MYCBP2: variants seen among roughly 807,000 people sequenced by gnomAD.
The protein encoded by MYCBP2 is E3 ubiquitin-protein ligase MYCBP2.
In MYCBP2, 120 loss-of-function variants were observed where a neutral mutation model predicts 525.3. The ratio of observed to expected loss-of-function variants is 0.23; its 90% CI spans 0.20 to 0.27. MYCBP2 has a LOEUF of 0.27. Among genes scored for constraint, MYCBP2 ranks in the 10% least tolerant of loss-of-function variants. The pLI is 1.00. For missense variants in MYCBP2, 4,149 were observed against 5,657.1 expected, an observed-to-expected ratio of 0.73 and a Z score of 8.55; for synonymous variants, 1,894 against 1,955.8, an observed-to-expected ratio of 0.97 and a Z score of 0.83.
In MYCBP2 at chr13:77,150,802, T is replaced by C; in HGVS notation, c.7063A>G (p.Lys2355Glu). ...ATTGGTTCATATGAAACATCTAGCT[T>C]TGGTGATGCCAGCCCTCCATAAGTC... Reference protein sequence around the residue: ...DMTYGGLASPKLDVSYEPMIV... With the variant: ...DMTYGGLASPELDVSYEPMIV... Residue 2355 changes from lysine (K) to glutamate (E), a missense_variant, in exon 47 of 83, where the codon AAG becomes GAG. This residue lies in a region of MYCBP2 where 692 missense variants were observed against 852.7 expected (regional missense o/e 0.81). Transcript: ENST00000544440. The C allele has an allele frequency of 6.2e-7, 1 of 1,614,142 alleles. No homozygotes were observed. The highest frequency in any genetic ancestry group is 1.1e-5 in the South Asian group (1 of 91,084).
Position 77,098,653 on chromosome 13 carries a change from G to C in MYCBP2, c.8501C>G (p.Pro2834Arg), listed in dbSNP as rs1281144272. Residue 2834 changes from proline (P) to arginine (R), a missense_variant, in exon 56 of 83, where the codon CCA (proline) becomes CGA (arginine). Transcript: ENST00000544440. ...PKTLPANRSS[P>R]SGASSPRSSS... is the part of the protein sequence containing the mutation. ...GGAGCGTGGAGAACTAGCACCCGAT[G>C]GGCTAGACCTATTGGCTGGGAGAGT... The C allele has an allele frequency of 1.9e-6, 3 of 1,613,610 alleles. No individual in the cohort carries two copies. In the Admixed American group the frequency reaches 5.0e-5, roughly 27 times the overall value.
chr13:77,265,299 A>G (rs1054968301), intron 8 of MYCBP2, among the ~76,000 whole-genome samples: 1 of 152,138 alleles, frequency 6.6e-6, no homozygotes, highest in Non-Finnish European at 1.5e-5. Context: ...TCTAAGCAGT[A>G]AGATTTTAAA....
In MYCBP2 at chr13:77,176,630, TA is replaced by T. The variant is rs71102724; in HGVS notation, c.5341-3del. 0.095 allele frequency: 87,456 copies of T among 920,284 alleles called. 20 individuals carry two copies. The highest frequency in any genetic ancestry group is 0.12 in the South Asian group (5,239 of 42,866). The allele number at this position is 920,284 out of a possible 1,614,324, so 57.0% of individuals were successfully genotyped here. ...AGTTGAATCTCCTGCATGTTCACTC[TA>T]AAAAAAAAAAATGAAACACAAAAAT... On this transcript the variant is annotated splice_region_variant and splice_polypyrimidine_tract_variant and intron_variant, in intron 35 of 82. Transcript: ENST00000544440.
chr13:77,201,999 C>CA (rs963231326), intron 26 of MYCBP2, among the ~76,000 whole-genome samples: 6 of 152,030 alleles, frequency 3.9e-5, no homozygotes, highest in Non-Finnish European at 7.4e-5. Context: ...AAAGCAAGAG[C>CA]AAACACATTC....
intron 34 of MYCBP2, 85 bp from the exon 35 acceptor site, chr13:77,178,039 A>C: frequency 1.2e-6 from 1 of 821,230 alleles, no homozygotes; most frequent in Non-Finnish European, 2.1e-6. Flanking sequence ...CTAATAAAAT[A>C]ACCTTTATTT....
At chr13:77,195,536 G>A (rs1417328977) in intron 26 of MYCBP2, among the ~76,000 whole-genome samples, 1 of 152,174 alleles carries the variant, frequency 6.6e-6, no homozygotes, top group African/African-American at 2.4e-5. Flanking sequence ...GGCAGAGGCT[G>A]CAGAGAGCCA....
At chr13:77,283,789 T>C (rs1260887385) in intron 3 of MYCBP2, among the ~76,000 whole-genome samples, 1 of 152,092 alleles carries the variant, frequency 6.6e-6, no homozygotes, top group Non-Finnish European at 1.5e-5. Flanking sequence ...CCCAGCTACA[T>C]GGGAGGCTAA....
At chr13:77,286,771 AAAAAAAAAAAAAAAAAAAATATATAT>A (rs1260807099) in intron 3 of MYCBP2, among the ~76,000 whole-genome samples, 1 of 89,148 alleles carries the variant, frequency 1.1e-5, no homozygotes, top group African/African-American at 5.3e-5. Flanking sequence ...AAAAAAAAAA[AAAAAAAAAAAAAAAAAAAATATATAT>A]ATATATATAT....
chr13:77,061,224 C>T lies in MYCBP2; in HGVS notation c.12981G>A (p.Met4327Ile), dbSNP rs2039239533. ...GCGRTKLFWL[M>I]ALADSKTMKA... ...TCATTGTTTTAGAATCTGCCAGTGC[C>T]ATCAACCAGAACAATTTGGTTCTAC... The change falls in exon 76 of 83, where the codon ATG becomes ATA. Residue 4327 changes from methionine (M) to isoleucine (I), a missense_variant. Coordinates refer to ENST00000544440, the MANE Select transcript of MYCBP2 (RefSeq NM_015057.5). The T allele has an allele frequency of 6.2e-7, 1 of 1,612,668 alleles. No homozygotes were observed. Among genetic ancestry groups the T allele is most frequent in the East Asian group, 2.2e-5 (1 of 44,766 alleles).
intron 77 of MYCBP2, among the ~76,000 whole-genome samples, chr13:77,059,163 T>C (rs1457670740): frequency 6.6e-6 from 1 of 152,116 alleles, no homozygotes; most frequent in Non-Finnish European, 1.5e-5. Flanking sequence ...TATGTTTATA[T>C]ATGTTCAGGA....
chr13:77,139,942 G>T, intron 51 of MYCBP2, 105 bp downstream of exon 51: 1 of 660,508 alleles, frequency 1.5e-6, no homozygotes, highest in Non-Finnish European at 2.6e-6. Flanking sequence ...TTCCCAAACT[G>T]CTTAAAACAT....
At position 77,047,759 on chromosome 13, in the gene MYCBP2, C is replaced by G. The variant is rs559959908; in HGVS notation, c.13922-2266G>C. Among the ~76,000 whole-genome samples, 49 of 152,268 alleles carry G rather than the reference C, an allele frequency of 3.2e-4. 2 individuals carry two copies. The highest frequency in any genetic ancestry group is 1.5e-5 in the Non-Finnish European group (1 of 68,022). On this transcript the variant is annotated intron_variant, in intron 82 of 82. Transcript: ENST00000544440. ...GTCCTTTGTATAGTCAGGGGGCTCT[C>G]TCCTTTTGTGGGCATAGGCACAGTG...
At chr13:77,284,778 G>A (rs981565047) in intron 3 of MYCBP2, among the ~76,000 whole-genome samples, 1 of 152,172 alleles carries the variant, frequency 6.6e-6, no homozygotes, top group African/African-American at 2.4e-5. Context: ...GCCAGGTACT[G>A]TTCTCTCAAG....
Position 77,068,883 on chromosome 13 carries a change from C to T in MYCBP2, c.11905-52G>A, listed in dbSNP as rs138216698. ...AAAAATATAGGGTTAGTTTGATTTA[C>T]TACTCCTAGCAAAACAAGCAAACAA... On this transcript the variant is annotated intron_variant, in intron 69 of 82. Transcript: ENST00000544440. 9.7e-6 allele frequency: 15 copies of T among 1,540,740 alleles called. No homozygotes were observed. The African/African-American group carries it at 1.9e-4, about 20-fold the overall frequency.
rs367666253 is a variant in MYCBP2 at position 77,087,556 on chromosome 13, C to T, written c.10803G>A (p.Leu3601=). 7.4e-6 allele frequency: 12 copies of T among 1,613,026 alleles called. No individual in the cohort carries two copies. The South Asian group carries it at 8.8e-5, about 12-fold the overall frequency. The change falls in exon 62 of 83, where the codon CTG becomes CTA. Residue 3601 remains leucine (L), a synonymous_variant. Coordinates refer to ENST00000544440, the MANE Select transcript of MYCBP2 (RefSeq NM_015057.5). The part of the protein sequence containing the change: ...HDILWHFVAS[L]TPAPVEPEEE... ...CCTCTGGTTCCACTGGTGCAGGAGT[C>T]AGTGATGCCACAAAATGCCACAGAA...
chr13:77,079,303 C>A (rs769927741), intron 65 of MYCBP2, among the ~76,000 whole-genome samples: 1 of 152,126 alleles, frequency 6.6e-6, no homozygotes, highest in Non-Finnish European at 1.5e-5. Flanking sequence ...ACAATGTACC[C>A]AGACTTCCTT....
chr13:77,121,952 T>C (rs2050780299), intron 54 of MYCBP2, among the ~76,000 whole-genome samples: 1 of 152,078 alleles, frequency 6.6e-6, no homozygotes, highest in South Asian at 2.1e-4. Flanking sequence ...ATTTGTTAAC[T>C]GTTCTAAGTT....
chr13:77,269,412 G>T (rs996990365), intron 7 of MYCBP2, among the ~76,000 whole-genome samples: 2 of 152,136 alleles, frequency 1.3e-5, no homozygotes, highest in Admixed American at 1.3e-4. Context: ...CAGGCGGGTG[G>T]CTCACTTCAG....
At chr13:77,119,000 A>C (rs939204412) in intron 55 of MYCBP2, among the ~76,000 whole-genome samples, 2 of 152,224 alleles carry the variant, frequency 1.3e-5, no homozygotes, top group Admixed American at 1.3e-4. Flanking sequence ...CAATGTGTTT[A>C]CATTATAGTT....
Sources: allele counts gnomAD v4.1 joint callset (sites outside exome capture counted in the v4.1 genomes callset), GRCh38; gene constraint gnomAD v4.1.1; regional missense constraint gnomAD v4.1.1; transcripts MANE v1.5; gene names NCBI Gene and HGNC (gene_info 2026-07-23, HGNC 2026-07-21).